The following KCNB2 variants were observed in gnomAD, a reference collection of about 807,000 sequenced individuals.
KCNB2 encodes the protein delayed rectifier potassium channel protein.
A neutral mutation model predicts 61.5 loss-of-function variants in KCNB2; 15 were observed. The observed-to-expected ratio is 0.24, with a 90% confidence interval of 0.16 to 0.38. The LOEUF (loss-of-function observed/expected upper bound fraction) is 0.38. Among genes scored for constraint, KCNB2 ranks in the 10% least tolerant of loss-of-function variants. KCNB2 has a pLI of 1.00. For missense variants in KCNB2, 828 were observed against 1,125.2 expected (o/e 0.74, Z 3.78); for synonymous variants, 457 against 446.0 (o/e 1.02, Z -0.31).
At chr8:72,761,279 G>A (rs1056227659) in intron 2 of KCNB2, among the ~76,000 whole-genome samples, 17 of 152,264 alleles carry the variant, frequency 1.1e-4, no homozygotes, top group Admixed American at 1.0e-3. Context: ...GAAATACTCT[G>A]CAGCAGGCGT....
intron 2 of KCNB2, among the ~76,000 whole-genome samples, chr8:72,582,764 C>T (rs1208431988): frequency 6.6e-6 from 1 of 151,958 alleles, no homozygotes; most frequent in African/African-American, 2.4e-5. Context: ...AGATGAGCAC[C>T]ACCACACCCA....
Position 72,892,017 on chromosome 8 carries a change from A to G in KCNB2, c.580-43918A>G, listed in dbSNP as rs556439873. ...GGTCTGAGAAGCCAGAGCAGCTTGAAGGAAAGTGGGTTAAAGGATGGAGGG... is the reference window on the plus strand; with the variant it reads ...GGTCTGAGAAGCCAGAGCAGCTTGAGGGAAAGTGGGTTAAAGGATGGAGGG... On this transcript the variant is annotated intron_variant, in intron 2 of 2. Coordinates refer to ENST00000523207, the MANE Select transcript of KCNB2 (RefSeq NM_004770.3). Among the ~76,000 whole-genome samples, 13 of 152,246 alleles carry G rather than the reference A, an allele frequency of 8.5e-5. No homozygotes were observed. The East Asian group carries it at 2.5e-3, about 29-fold the overall frequency.
intron 2 of KCNB2, among the ~76,000 whole-genome samples, chr8:72,727,782 C>A (rs1807677284): frequency 6.6e-6 from 1 of 152,094 alleles, no homozygotes; most frequent in Non-Finnish European, 1.5e-5. Context: ...CTGAAAAACA[C>A]AGAATGTAAC....
At chr8:72,816,352 T>G (rs1224247192) in intron 2 of KCNB2, among the ~76,000 whole-genome samples, 1 of 152,176 alleles carries the variant, frequency 6.6e-6, no homozygotes, top group African/African-American at 2.4e-5. Context: ...CAATTTCCCT[T>G]TCAGTTGAAG....
chr8:72,798,470 G>A (rs111775122), intron 2 of KCNB2, among the ~76,000 whole-genome samples: 4 of 152,258 alleles, frequency 2.6e-5, no homozygotes, highest in African/African-American at 9.6e-5. Flanking sequence ...CTAAGTGCTT[G>A]TGAAAGTGGC....
intron 2 of KCNB2, among the ~76,000 whole-genome samples, chr8:72,909,475 G>T (rs1348763779): frequency 6.6e-6 from 1 of 152,110 alleles, no homozygotes; most frequent in Non-Finnish European, 1.5e-5. Flanking sequence ...GTAGAGTTCG[G>T]CAGGACAAGA....
intron 2 of KCNB2, among the ~76,000 whole-genome samples, chr8:72,590,399 A>G (rs1807076188): frequency 6.6e-6 from 1 of 152,168 alleles, no homozygotes; most frequent in Non-Finnish European, 1.5e-5. Flanking sequence ...ATTGGAATCA[A>G]AAAGGAGCTA....
At chr8:72,772,799 C>T (rs1431255383) in intron 2 of KCNB2, among the ~76,000 whole-genome samples, 1 of 152,182 alleles carries the variant, frequency 6.6e-6, no homozygotes, top group Admixed American at 6.5e-5. Context: ...GAAAGATGTT[C>T]TGTTCCAAAG....
chr8:72,538,858 T>A (rs1174647634), intron 1 of KCNB2, among the ~76,000 whole-genome samples: 1 of 152,130 alleles, frequency 6.6e-6, no homozygotes, highest in African/African-American at 2.4e-5. Flanking sequence ...TGTAGTATAG[T>A]GTGGGTCGGA....
intron 2 of KCNB2, among the ~76,000 whole-genome samples, chr8:72,827,955 G>C (rs1414865762): frequency 2.0e-5 from 3 of 152,016 alleles, no homozygotes; most frequent in African/African-American, 7.2e-5. Context: ...TGGGATTACA[G>C]GTGCCTGCCA....
At chr8:72,770,774 G>C (rs1207059528) in intron 2 of KCNB2, among the ~76,000 whole-genome samples, 2 of 152,204 alleles carry the variant, frequency 1.3e-5, no homozygotes, top group Admixed American at 6.5e-5. Flanking sequence ...AGGACAAAGA[G>C]AGTTTGTGTT....
intron 2 of KCNB2, among the ~76,000 whole-genome samples, chr8:72,681,518 AACAAT>A (rs1806753758): frequency 6.6e-6 from 1 of 152,168 alleles, no homozygotes; most frequent in Admixed American, 6.5e-5. Context: ...CTCCTAAGAT[AACAAT>A]GCCTTCTTCT....
chr8:72,839,048 TATA>T (rs909234130), intron 2 of KCNB2, among the ~76,000 whole-genome samples: 2 of 152,174 alleles, frequency 1.3e-5, no homozygotes, highest in Admixed American at 6.5e-5. Flanking sequence ...TTTAAACAAT[TATA>T]ATAATAGTAA....
At chr8:72,776,939 G>A (rs1019086984) in intron 2 of KCNB2, among the ~76,000 whole-genome samples, 1 of 152,060 alleles carries the variant, frequency 6.6e-6, no homozygotes, top group Non-Finnish European at 1.5e-5. Flanking sequence ...TGACATTCTA[G>A]GACTTTATGA....
At chr8:72,714,728 A>G (rs1475746518) in intron 2 of KCNB2, among the ~76,000 whole-genome samples, 3 of 152,170 alleles carry the variant, frequency 2.0e-5, no homozygotes, top group African/African-American at 4.8e-5. Context: ...AAAGACCATC[A>G]AGGCTAGGAA....
chr8:72,866,080 G>A (rs1022197123), intron 2 of KCNB2, among the ~76,000 whole-genome samples: 1 of 152,218 alleles, frequency 6.6e-6, no homozygotes, highest in African/African-American at 2.4e-5. Context: ...TCATTCAGAT[G>A]TTGGAAATGA....
chr8:72,694,305 TCA>T (rs1297059230), intron 2 of KCNB2, among the ~76,000 whole-genome samples: 2 of 152,216 alleles, frequency 1.3e-5, no homozygotes, highest in Admixed American at 6.5e-5. Flanking sequence ...CCATATATAC[TCA>T]CAAATATATC....
chr8:72,619,508 A>G lies in KCNB2; in HGVS notation c.579+51195A>G, dbSNP rs150539849. The G allele has an allele frequency of 0.01, 1,883 of 184,560 alleles. 144 individuals carry two copies. In the Admixed American group the frequency reaches 0.11, roughly 11 times the overall value. The allele number at this position is 184,560 out of a possible 1,614,324, so 11.4% of individuals were successfully genotyped here. A position where few individuals can be genotyped will look rare whatever the true frequency, so the allele number is the denominator to read the frequency against. On this transcript the variant is annotated intron_variant, in intron 2 of 2. Coordinates refer to ENST00000523207, the MANE Select transcript of KCNB2 (RefSeq NM_004770.3). ...TGGGTATGAGATTTTGAGTATGGGT[A>G]TGAGGTAAATGGGATTACCTCCATT...
chr8:72,920,718 T>C (rs1806505700), intron 2 of KCNB2, among the ~76,000 whole-genome samples: 1 of 151,882 alleles, frequency 6.6e-6, no homozygotes, highest in African/African-American at 2.4e-5. Context: ...TATGGCATTT[T>C]CTTATGATGA....
Sources: allele counts gnomAD v4.1 joint callset (sites outside exome capture counted in the v4.1 genomes callset), GRCh38; gene constraint gnomAD v4.1.1; transcripts MANE v1.5; gene names NCBI Gene and HGNC (gene_info 2026-07-23, HGNC 2026-07-21).